Variants in PACS1 observed in about 807,000 individuals in gnomAD.
PACS1 encodes PACS-1.
Under a neutral mutation model 115.0 loss-of-function variants are expected in PACS1, and 24 were observed. That is an observed-to-expected ratio of 0.21 (90% CI 0.15 to 0.29). The LOEUF (loss-of-function observed/expected upper bound fraction) is 0.29. PACS1 is among the 10% of genes least tolerant of loss of function. The pLI is 1.00. For synonymous variants in PACS1, 453 were observed against 504.5 expected, an observed-to-expected ratio of 0.90 and a Z score of 1.37; for missense variants, 838 against 1,251.2, an observed-to-expected ratio of 0.67 and a Z score of 4.98.
Position 66,241,702 on chromosome 11 carries a change from T to G in PACS1, c.2656+49T>G, listed in dbSNP as rs768689686. The G allele has an allele frequency of 6.0e-5, 87 of 1,439,332 alleles. No individual in the cohort carries two copies. The East Asian group carries it at 2.0e-3, about 33-fold the overall frequency. The allele number at this position is 1,439,332 out of a possible 1,614,324, so 89.2% of individuals were successfully genotyped here. On this transcript the variant is annotated intron_variant, in intron 22 of 23. Transcript: ENST00000320580. ...AGACCATGGGCCACCAGGCCTCCCG[T>G]CTCGTCTCTCAGGGCCTGGGAATAA...
chr11:66,226,517 C>A (rs1855472705), intron 10 of PACS1, among the ~76,000 whole-genome samples: 1 of 152,128 alleles, frequency 6.6e-6, no homozygotes, highest in African/African-American at 2.4e-5. Flanking sequence ...ACAGGACAGG[C>A]CCCCACAATA....
chr11:66,146,892 C>T (rs1859136953), intron 1 of PACS1, among the ~76,000 whole-genome samples: 1 of 152,026 alleles, frequency 6.6e-6, no homozygotes, highest in Admixed American at 6.6e-5. Flanking sequence ...CCCGTCTCTA[C>T]TAAAAAATAC....
chr11:66,104,151 G>A (rs1445970347), intron 1 of PACS1, among the ~76,000 whole-genome samples: 3 of 152,166 alleles, frequency 2.0e-5, no homozygotes, highest in African/African-American at 7.2e-5. Context: ...TTAATAGATG[G>A]TGAATGGGAG....
chr11:66,132,188 T>G (rs755244867), intron 1 of PACS1, among the ~76,000 whole-genome samples: 5 of 152,186 alleles, frequency 3.3e-5, no homozygotes, highest in African/African-American at 4.8e-5. Context: ...GCTGTTCTTG[T>G]GACAGTGAAT....
chr11:66,212,868 G>A (rs923272639), intron 4 of PACS1, among the ~76,000 whole-genome samples: 2 of 151,716 alleles, frequency 1.3e-5, no homozygotes, highest in Admixed American at 6.6e-5. Flanking sequence ...ATTTATTTTC[G>A]AGACAGAGTC....
At position 66,203,401 on chromosome 11, in the gene PACS1, C is replaced by T. The variant is rs916299027; in HGVS notation, c.445-6961C>T. Among the ~76,000 whole-genome samples the T allele has an allele frequency of 3.1e-4, 47 of 151,864 alleles. 1 individual carries two copies. The highest frequency in any genetic ancestry group is 2.6e-4 in the Non-Finnish European group (18 of 67,934). ...TTCCATATTCATGGATTGGAAGAAT[C>T]AATATTGTTAAAATGTCCATACCAC... is the stretch of plus-strand genomic sequence containing the variant. On this transcript the variant is annotated intron_variant, in intron 2 of 23. Transcript: ENST00000320580.
intron 22 of PACS1, among the ~76,000 whole-genome samples, chr11:66,241,860 T>G: frequency 1.3e-5 from 2 of 150,470 alleles, no homozygotes; most frequent in African/African-American, 2.5e-5. Context: ...CTGCAGAGAG[T>G]CGCTTGGTCA....
At chr11:66,102,035 A>G (rs186665656) in intron 1 of PACS1, among the ~76,000 whole-genome samples, 25 of 152,328 alleles carry the variant, frequency 1.6e-4, no homozygotes, top group African/African-American at 5.8e-4. Context: ...AAATATAACA[A>G]TGTGAGTTTG....
At chr11:66,238,896 G>A in intron 20 of PACS1, 50 bp downstream of exon 20, 1 of 1,514,642 alleles carries the variant, frequency 6.6e-7, no homozygotes, top group Non-Finnish European at 9.0e-7. Context: ...TGCCCTCCCT[G>A]TCTTCCCTCT....
At position 66,117,555 on chromosome 11, in the gene PACS1, T is replaced by C. The variant is rs559669002; in HGVS notation, c.356+46713T>C. Among the ~76,000 whole-genome samples, 18 of 151,216 alleles carry C rather than the reference T, an allele frequency of 1.2e-4. No individual in the cohort carries two copies. In the South Asian group the frequency reaches 3.8e-3, roughly 32 times the overall value. ...CAGCCCTCAACATGTGATTAAAAGA[T>C]GTTTGTTATGGCCGGGCGTGGTGGC... On this transcript the variant is annotated intron_variant, in intron 1 of 23. Coordinates refer to ENST00000320580, the MANE Select transcript of PACS1 (RefSeq NM_018026.4).
At chr11:66,158,124 A>C (rs1859402708) in intron 1 of PACS1, among the ~76,000 whole-genome samples, 1 of 151,896 alleles carries the variant, frequency 6.6e-6, no homozygotes. Context: ...GCGCCACCAC[A>C]CTTGGCTAAT....
At chr11:66,106,573 T>A (rs556454116) in intron 1 of PACS1, among the ~76,000 whole-genome samples, 2 of 150,002 alleles carry the variant, frequency 1.3e-5, no homozygotes, top group Admixed American at 1.3e-4. Flanking sequence ...TCTCAAAAAA[T>A]AAAAAAAAAT....
At position 66,070,966 on chromosome 11, in the gene PACS1, C is replaced by A; in HGVS notation, c.356+124C>A. On this transcript the variant is annotated intron_variant, in intron 1 of 23. Transcript: ENST00000320580. This position sits in a 1 kb window ranked among gnomAD's most constrained non-coding sequence, Gnocchi z 5.9. ...CTCCCCGACTGTCCCGCGGCCCGGC[C>A]TGGCTCCAGCCAGGCCTCCCGGGAC... The A allele has an allele frequency of 9.5e-7, 1 of 1,048,654 alleles. No individual in the cohort carries two copies. The highest frequency in any genetic ancestry group is 3.3e-5 in the East Asian group (1 of 30,076). 65.0% of individuals were successfully genotyped at this position (1,048,654 alleles called of 1,614,324 possible). A position where few individuals can be genotyped will look rare whatever the true frequency, so the allele number is the denominator to read the frequency against.
chr11:66,198,309 A>C (rs1393284358), intron 2 of PACS1, among the ~76,000 whole-genome samples: 1 of 152,270 alleles, frequency 6.6e-6, no homozygotes, highest in Non-Finnish European at 1.5e-5. Flanking sequence ...CTAACATGCA[A>C]ATGTTCATAA....
chr11:66,207,624 C>A (rs897588943), intron 2 of PACS1, among the ~76,000 whole-genome samples: 1 of 152,162 alleles, frequency 6.6e-6, no homozygotes. Context: ...CTATAGCACT[C>A]GAGCTTCCGG....
intron 1 of PACS1, among the ~76,000 whole-genome samples, chr11:66,127,210 C>T (rs1858599413): frequency 6.6e-6 from 1 of 152,212 alleles, no homozygotes; most frequent in Non-Finnish European, 1.5e-5. Flanking sequence ...TGTTGAGACT[C>T]ACATGTCTCC....
At chr11:66,104,377 T>C (rs1047753472) in intron 1 of PACS1, among the ~76,000 whole-genome samples, 2 of 152,166 alleles carry the variant, frequency 1.3e-5, no homozygotes, top group African/African-American at 2.4e-5. Flanking sequence ...TTGAACCCTA[T>C]AGAACAGGGT....
chr11:66,132,249 T>G (rs1858721574), intron 1 of PACS1, among the ~76,000 whole-genome samples: 1 of 152,182 alleles, frequency 6.6e-6, no homozygotes, highest in Non-Finnish European at 1.5e-5. Flanking sequence ...TTTCCTGCGC[T>G]CTCACACACC....
chr11:66,221,272 C>T (rs933429867), intron 10 of PACS1, 25 bp downstream of exon 10: 10 of 1,596,232 alleles, frequency 6.3e-6, no homozygotes, highest in Non-Finnish European at 8.6e-6. Flanking sequence ...GACTGCGGGG[C>T]GGGGTGGGAC....
Sources: allele counts gnomAD v4.1 joint callset (sites outside exome capture counted in the v4.1 genomes callset), GRCh38; gene constraint gnomAD v4.1.1; non-coding constraint Gnocchi (gnomAD v3.1); transcripts MANE v1.5; gene names NCBI Gene and HGNC (gene_info 2026-07-23, HGNC 2026-07-21).